The following CRCP variants were observed in gnomAD, a reference collection of about 807,000 sequenced individuals.
CRCP encodes DNA-directed RNA polymerase III subunit RPC9.
A neutral mutation model predicts 18.5 loss-of-function variants in CRCP; 18 were observed. The ratio of observed to expected loss-of-function variants is 0.97; its 90% CI spans 0.67 to 1.44. The LOEUF is 1.44. Ranked by LOEUF, CRCP falls within the 40% of genes most tolerant of loss-of-function variation. CRCP has a pLI of 0.00. For synonymous variants in CRCP, 53 were observed against 62.9 expected, an observed-to-expected ratio of 0.84 and a Z score of 0.75; for missense variants, 130 against 176.4, an observed-to-expected ratio of 0.74 and a Z score of 1.49.
At chr7:66,149,140 C>T (rs182580238) in intron 5 of CRCP, among the ~76,000 whole-genome samples, 5 of 152,308 alleles carry the variant, frequency 3.3e-5, no homozygotes, top group Admixed American at 1.3e-4. Context: ...CTTATGTTCT[C>T]AACTACCTGA....
At chr7:66,148,864 C>T (rs1788375176) in intron 5 of CRCP, among the ~76,000 whole-genome samples, 1 of 152,306 alleles carries the variant, frequency 6.6e-6, no homozygotes, top group East Asian at 1.9e-4. Flanking sequence ...TCGCTGTAGG[C>T]GTTACTTTCA....
intron 4 of CRCP, among the ~76,000 whole-genome samples, chr7:66,136,254 A>G (rs1787969360): frequency 6.6e-6 from 1 of 151,112 alleles, no homozygotes. Context: ...TTTGAGATGG[A>G]GTTTCACTCT....
chr7:66,116,013 G>C (rs1787250311), intron 1 of CRCP, among the ~76,000 whole-genome samples: 1 of 152,048 alleles, frequency 6.6e-6, no homozygotes. Context: ...AGCCCAGGCT[G>C]GTCTCCAGCT....
chr7:66,131,509 T>C (rs1787802879), intron 3 of CRCP, among the ~76,000 whole-genome samples: 1 of 152,074 alleles, frequency 6.6e-6, no homozygotes, highest in Admixed American at 6.6e-5. Flanking sequence ...TATTTTTTGT[T>C]GTTGTTGTCC....
intron 4 of CRCP, 171 bp downstream of exon 4, chr7:66,134,545 C>CT (rs56013238): frequency 0.056 from 16,203 of 289,736 alleles, 439 homozygotes; most frequent in East Asian, 0.2. Flanking sequence ...AGGAACAAAT[C>CT]TTTTTTTTTT....
At chr7:66,138,610 C>T (rs1285820605) in intron 4 of CRCP, among the ~76,000 whole-genome samples, 1 of 130,868 alleles carries the variant, frequency 7.6e-6, no homozygotes, top group East Asian at 2.2e-4. Flanking sequence ...ACGGTGAAAC[C>T]TCGTCTCTAC....
chr7:66,143,710 C>G (rs879804639), intron 4 of CRCP, among the ~76,000 whole-genome samples: 10 of 152,200 alleles, frequency 6.6e-5, no homozygotes, highest in Non-Finnish European at 1.2e-4. Flanking sequence ...CACATGTACA[C>G]TAGAAGCAGA....
At chr7:66,118,101 C>A (rs160638) in intron 1 of CRCP, among the ~76,000 whole-genome samples, 15,850 of 152,260 alleles carry the variant, frequency 0.1, 1,005 homozygotes, top group South Asian at 0.2. Flanking sequence ...CCTCAGCCTA[C>A]CAAGTAGCTG....
chr7:66,117,117 CAA>C (rs34224463), intron 1 of CRCP, among the ~76,000 whole-genome samples: 15,201 of 80,784 alleles, frequency 0.19, 768 homozygotes, highest in East Asian at 0.32. Flanking sequence ...AAGACTGTCT[CAA>C]AAAAAAAAAA....
At chr7:66,142,034 G>A (rs1448885345) in intron 4 of CRCP, among the ~76,000 whole-genome samples, 3 of 152,046 alleles carry the variant, frequency 2.0e-5, no homozygotes, top group Admixed American at 6.6e-5. Flanking sequence ...TGATCTTCTG[G>A]TCATCTCGTT....
At chr7:66,137,875 T>C (rs1788015627) in intron 4 of CRCP, among the ~76,000 whole-genome samples, 1 of 152,236 alleles carries the variant, frequency 6.6e-6, no homozygotes. Flanking sequence ...TTATAACATA[T>C]AATCTACATA....
chr7:66,149,219 T>A (rs1265576250), intron 5 of CRCP, among the ~76,000 whole-genome samples: 3 of 152,192 alleles, frequency 2.0e-5, no homozygotes. Context: ...CTGTTTCTCC[T>A]GTGTTGGAAA....
At chr7:66,141,298 T>C (rs1013869584) in intron 4 of CRCP, among the ~76,000 whole-genome samples, 2 of 152,248 alleles carry the variant, frequency 1.3e-5, no homozygotes, top group African/African-American at 2.4e-5. Flanking sequence ...TGTTGGACTA[T>C]CAAATACTAG....
intron 1 of CRCP, among the ~76,000 whole-genome samples, chr7:66,120,926 A>G (rs1562758419): frequency 1.3e-5 from 2 of 151,942 alleles, no homozygotes; most frequent in African/African-American, 2.4e-5. Context: ...TTGTACCTCT[A>G]TCAGACACTC....
intron 3 of CRCP, among the ~76,000 whole-genome samples, chr7:66,131,160 G>T (rs925977594): frequency 1.3e-5 from 2 of 152,050 alleles, no homozygotes; most frequent in African/African-American, 4.8e-5. Context: ...ATTTTTAGTA[G>T]AGACAGGGTT....
intron 5 of CRCP, among the ~76,000 whole-genome samples, chr7:66,151,183 C>T (rs887979467): frequency 2.0e-5 from 3 of 152,088 alleles, no homozygotes; most frequent in Non-Finnish European, 4.4e-5. Flanking sequence ...CCCTGCAGGG[C>T]TGTTGCTAGT....
intron 1 of CRCP, chr7:66,120,559 T>G (rs1420653722): frequency 2.0e-5 from 3 of 151,936 alleles, no homozygotes. Flanking sequence ...TCACCTGGTC[T>G]TCAACAGGAG....
intron 5 of CRCP, chr7:66,150,969 C>T (rs1372025841): frequency 6.6e-6 from 1 of 152,224 alleles, no homozygotes; most frequent in Non-Finnish European, 1.5e-5. Context: ...TCTCTAGATT[C>T]AGATTTCTGG....
At chr7:66,134,032 G>T (rs1787893850) in intron 3 of CRCP, among the ~76,000 whole-genome samples, 1 of 151,208 alleles carries the variant, frequency 6.6e-6, no homozygotes, top group Admixed American at 6.6e-5. Context: ...CTAATTTTTT[G>T]TATTTTTGGT....
Sources: gnomAD v4.1 joint callset for allele counts (sites outside exome capture counted in the v4.1 genomes callset) on GRCh38, gnomAD v4.1.1 for gene constraint, MANE v1.5 for transcripts, NCBI Gene and HGNC (gene_info 2026-07-23, HGNC 2026-07-21) for gene names.